The following NUMB variants were observed in gnomAD, a reference collection of about 807,000 sequenced individuals.
The protein encoded by NUMB is NUMB endocytic adaptor protein, also known as protein numb homolog.
Under a neutral mutation model 59.7 loss-of-function variants are expected in NUMB, and 29 were observed. The observed-to-expected ratio is 0.49, with a 90% CI of 0.36 to 0.66. The LOEUF is 0.66. Ranked by LOEUF, NUMB falls within the 30% of genes least tolerant of loss-of-function variation. The pLI, the probability that NUMB is intolerant of heterozygous loss-of-function variation, is 0.00. For synonymous variants in NUMB, 288 were observed against 288.2 expected, an observed-to-expected ratio of 1.00 and a Z score of 0.01; for missense variants, 723 against 822.0, an observed-to-expected ratio of 0.88 and a Z score of 1.47.
At chr14:73,387,497 C>T (rs1320948342) in intron 2 of NUMB, among the ~76,000 whole-genome samples, 1 of 151,912 alleles carries the variant, frequency 6.6e-6, no homozygotes, top group Non-Finnish European at 1.5e-5. Flanking sequence ...GAGGCTTTTC[C>T]CCTTTTGCTT....
At chr14:73,414,216 G>A (rs536707442) in intron 1 of NUMB, among the ~76,000 whole-genome samples, 6 of 152,024 alleles carry the variant, frequency 3.9e-5, no homozygotes, top group African/African-American at 9.6e-5. Flanking sequence ...TCAGCCTCCC[G>A]AAGTGCTGGG....
chr14:73,330,909 T>C (rs571389594), intron 4 of NUMB, among the ~76,000 whole-genome samples: 5 of 152,152 alleles, frequency 3.3e-5, no homozygotes, highest in Admixed American at 6.5e-5. Context: ...ATAGTGTGGT[T>C]CAGTTCAAGT....
intron 4 of NUMB, among the ~76,000 whole-genome samples, chr14:73,352,177 A>C (rs1375950267): frequency 2.6e-5 from 4 of 151,392 alleles, no homozygotes; most frequent in African/African-American, 9.7e-5. Flanking sequence ...TCTGCATTAC[A>C]GTTTTCCTTT....
intron 6 of NUMB, among the ~76,000 whole-genome samples, chr14:73,312,000 T>G (rs1890799880): frequency 6.6e-6 from 1 of 152,210 alleles, no homozygotes; most frequent in Non-Finnish European, 1.5e-5. Flanking sequence ...GGGTAATACT[T>G]GCCCCTCTCT....
intron 3 of NUMB, among the ~76,000 whole-genome samples, chr14:73,356,774 C>T (rs1279062118): frequency 2.0e-5 from 3 of 152,092 alleles, no homozygotes; most frequent in African/African-American, 2.4e-5. Context: ...CTCATTGCAA[C>T]CTTTATCTCC....
chr14:73,447,179 C>A (rs1883580901), intron 1 of NUMB, among the ~76,000 whole-genome samples: 1 of 141,300 alleles, frequency 7.1e-6, no homozygotes, highest in Non-Finnish European at 1.5e-5. Flanking sequence ...GAGCGAGACT[C>A]CATCTCAAAA....
intron 1 of NUMB, among the ~76,000 whole-genome samples, chr14:73,448,115 G>A (rs1017900758): frequency 2.0e-5 from 3 of 151,742 alleles, no homozygotes; most frequent in African/African-American, 7.3e-5. Context: ...TTTCAATATA[G>A]TATTTGGGAC....
chr14:73,429,643 C>T (rs1897738793), intron 1 of NUMB, among the ~76,000 whole-genome samples: 1 of 151,308 alleles, frequency 6.6e-6, no homozygotes, highest in African/African-American at 2.5e-5. Context: ...TGTTTTTTGC[C>T]ATTAAAATGG....
At chr14:73,429,301 G>A (rs911218072) in intron 1 of NUMB, among the ~76,000 whole-genome samples, 5 of 152,122 alleles carry the variant, frequency 3.3e-5, no homozygotes, top group African/African-American at 1.2e-4. Context: ...GAACCCAGGA[G>A]GCGGAGTCTG....
chr14:73,278,598 GA>G (rs1403581454), intron 12 of NUMB, among the ~76,000 whole-genome samples: 2 of 148,086 alleles, frequency 1.4e-5, no homozygotes, highest in African/African-American at 5.0e-5. Flanking sequence ...AAGCAAAAAT[GA>G]AGTGCTTTTT....
chr14:73,312,191 C>T (rs1890809903), intron 6 of NUMB, among the ~76,000 whole-genome samples: 1 of 152,014 alleles, frequency 6.6e-6, no homozygotes, highest in Admixed American at 6.6e-5. Context: ...GTCAGGAATT[C>T]GAGACCAGCC....
intron 2 of NUMB, among the ~76,000 whole-genome samples, chr14:73,376,643 A>G (rs1283569349): frequency 6.6e-6 from 1 of 152,266 alleles, no homozygotes; most frequent in Admixed American, 6.5e-5. Flanking sequence ...ATAAAGCCAC[A>G]GTAATCAAGA....
chr14:73,411,738 G>A (rs1896902800), intron 1 of NUMB, among the ~76,000 whole-genome samples: 1 of 152,002 alleles, frequency 6.6e-6, no homozygotes, highest in Non-Finnish European at 1.5e-5. Context: ...AGAAATTAAA[G>A]TTATAGTAGC....
At chr14:73,386,911 C>G (rs1487975461) in intron 2 of NUMB, among the ~76,000 whole-genome samples, 1 of 106,924 alleles carries the variant, frequency 9.4e-6, no homozygotes, top group South Asian at 3.5e-4. Context: ...GACGGAGTCT[C>G]GCTCTGTCGC....
intron 2 of NUMB, among the ~76,000 whole-genome samples, chr14:73,390,711 G>C (rs561748000): frequency 7.6e-6 from 1 of 132,398 alleles, no homozygotes; most frequent in Non-Finnish European, 1.5e-5. Context: ...GTGCAGTGGC[G>C]TGATCTCAGC....
At chr14:73,387,636 G>C (rs1475910123) in intron 2 of NUMB, among the ~76,000 whole-genome samples, 1 of 151,712 alleles carries the variant, frequency 6.6e-6, no homozygotes, top group East Asian at 1.9e-4. Flanking sequence ...CGGTGACTGA[G>C]GTACAAGAAT....
rs562488346 is a variant in NUMB at position 73,357,749 on chromosome 14, C to T, written c.-15-1983G>A. 5.3e-5 allele frequency among the ~76,000 whole-genome samples: 8 copies of T among 151,842 alleles called. No individual in the cohort carries two copies. The South Asian group carries it at 1.3e-3, about 24-fold the overall frequency. The stretch of plus-strand genomic sequence containing the variant: ...CTGCACTCCAGCCTGGGCAACAGAG[C>T]GAGACTGTCTCAAAAAGAAATTAAG... On this transcript the variant is annotated intron_variant, in intron 3 of 12. Transcript: ENST00000555238.
chr14:73,306,644 A>C (rs901047253), intron 6 of NUMB, among the ~76,000 whole-genome samples: 2 of 152,170 alleles, frequency 1.3e-5, no homozygotes, highest in African/African-American at 4.8e-5. Flanking sequence ...TGGAATTCAT[A>C]GTTTTTAGGC....
chr14:73,453,185 T>A (rs1884107731), intron 1 of NUMB, among the ~76,000 whole-genome samples: 1 of 152,166 alleles, frequency 6.6e-6, no homozygotes, highest in Non-Finnish European at 1.5e-5. Flanking sequence ...CAGGCTGGAG[T>A]ACAATGGCGT....
Sources: allele counts gnomAD v4.1 joint callset (sites outside exome capture counted in the v4.1 genomes callset), GRCh38; gene constraint gnomAD v4.1.1; transcripts MANE v1.5; gene names NCBI Gene and HGNC (gene_info 2026-07-23, HGNC 2026-07-21).